The following CCDC148 variants were observed in gnomAD, a reference collection of about 807,000 sequenced individuals.
The protein encoded by CCDC148 is coiled-coil domain-containing protein 148.
Under a neutral mutation model 85.7 loss-of-function variants are expected in CCDC148, and 89 were observed. The observed-to-expected ratio is 1.04, with a 90% CI of 0.87 to 1.24. The LOEUF is 1.24. Among genes scored for constraint, CCDC148 ranks in the 50% most tolerant of loss-of-function variants. CCDC148 has a pLI of 0.00. For synonymous variants in CCDC148, 230 were observed against 213.9 expected, an observed-to-expected ratio of 1.08 and a Z score of -0.66; for missense variants, 692 against 671.7, an observed-to-expected ratio of 1.03 and a Z score of -0.33.
intron 9 of CCDC148, among the ~76,000 whole-genome samples, chr2:158,270,697 C>T (rs559976920): frequency 1.9e-4 from 29 of 152,190 alleles, no homozygotes; most frequent in Non-Finnish European, 3.8e-4. Flanking sequence ...TCTCAAGTTC[C>T]TTGATGGTGA....
At position 158,441,132 on chromosome 2, in the gene CCDC148, T is replaced by C. The variant is rs1272398100; in HGVS notation, c.25+15283A>G. On this transcript the variant is annotated intron_variant, in intron 1 of 13. Transcript: ENST00000283233. ...CCCCTATATAGGCTATATAAACAAA[T>C]AGACCAGCAATTCCAGGGAAAGATA... 2.0e-5 allele frequency among the ~76,000 whole-genome samples: 3 copies of C among 152,092 alleles called. No homozygotes were observed. The South Asian group carries it at 6.2e-4, about 32-fold the overall frequency.
Position 158,340,313 on chromosome 2 carries a change from A to G in CCDC148, c.415T>C (p.Tyr139His), listed in dbSNP as rs1377897497. 6.2e-7 allele frequency: 1 copy of G among 1,613,950 alleles called. No individual in the cohort carries two copies. Among genetic ancestry groups the G allele is most frequent in the Admixed American group, 1.7e-5 (1 of 60,004 alleles). Residue 139 changes from tyrosine to histidine, a missense_variant, in exon 5 of 14, where the codon TAC becomes CAC. Tyr to His is a moderately conservative substitution (Grantham distance 83). Coordinates refer to ENST00000283233, the MANE Select transcript of CCDC148 (RefSeq NM_138803.4). The stretch of plus-strand genomic sequence containing the variant: ...TGCTGCAAAGTGTGATGCTGTCTGT[A>G]TTTTAGATCTGCTCTCAGCTGCTGA... ...PIQQLRADLKYRQHHTLQHSH... is the reference protein window; with the variant it reads ...PIQQLRADLKHRQHHTLQHSH...
rs1339415212 is a variant in CCDC148 at position 158,421,247 on chromosome 2, A to G, written c.25+35168T>C. Among the ~76,000 whole-genome samples the G allele has an allele frequency of 3.3e-5, 5 of 152,178 alleles. No homozygotes were observed. The South Asian group carries it at 8.3e-4, about 25-fold the overall frequency. On this transcript the variant is annotated intron_variant, in intron 1 of 13. Transcript: ENST00000283233. ...TCTGCACCAAGCAGACATAATAGAC[A>G]TCTACAGAACTCTCCACCCCAAATC...
At chr2:158,266,632 T>G (rs1270843203) in intron 9 of CCDC148, among the ~76,000 whole-genome samples, 1 of 152,174 alleles carries the variant, frequency 6.6e-6, no homozygotes, top group East Asian at 1.9e-4. Flanking sequence ...TTCCCACCCT[T>G]TCTCCCTGAG....
At chr2:158,277,742 G>T (rs186935075) in intron 9 of CCDC148, among the ~76,000 whole-genome samples, 1 of 152,062 alleles carries the variant, frequency 6.6e-6, no homozygotes, top group Non-Finnish European at 1.5e-5. Context: ...GACTACAGGC[G>T]CCCGCCATCA....
chr2:158,253,062 G>C (rs1688860726), intron 9 of CCDC148, among the ~76,000 whole-genome samples: 1 of 151,584 alleles, frequency 6.6e-6, no homozygotes, highest in Admixed American at 6.6e-5. Flanking sequence ...CAACATGACT[G>C]TCTCTTTACA....
intron 12 of CCDC148, among the ~76,000 whole-genome samples, chr2:158,177,870 A>T (rs945770066): frequency 6.6e-6 from 1 of 152,112 alleles, no homozygotes. Flanking sequence ...AAAGCACCTA[A>T]CCTCGGTGTC....
chr2:158,217,850 A>G (rs1267738607), intron 11 of CCDC148, among the ~76,000 whole-genome samples: 1 of 152,198 alleles, frequency 6.6e-6, no homozygotes, highest in Non-Finnish European at 1.5e-5. Flanking sequence ...TCTGATACGG[A>G]AAAAAAGTGT....
At chr2:158,364,188 A>G (rs1684097385) in intron 1 of CCDC148, among the ~76,000 whole-genome samples, 1 of 152,264 alleles carries the variant, frequency 6.6e-6, no homozygotes, top group African/African-American at 2.4e-5. Context: ...AAAATATTCC[A>G]TGCTCATGGA....
At chr2:158,213,628 G>A (rs1686692775) in intron 11 of CCDC148, among the ~76,000 whole-genome samples, 1 of 152,086 alleles carries the variant, frequency 6.6e-6, no homozygotes. Context: ...TGCATGCTCT[G>A]CAACAGTCAC....
chr2:158,449,317 A>G (rs1201435795), intron 1 of CCDC148, among the ~76,000 whole-genome samples: 3 of 152,126 alleles, frequency 2.0e-5, no homozygotes, highest in African/African-American at 7.2e-5. Context: ...TCCAATCAAT[A>G]TGACTTTTTC....
chr2:158,336,989 G>C (rs750898088), intron 7 of CCDC148, among the ~76,000 whole-genome samples: 1 of 152,068 alleles, frequency 6.6e-6, no homozygotes, highest in Non-Finnish European at 1.5e-5. Flanking sequence ...AGAATTGTTA[G>C]CATGTGATAT....
intron 1 of CCDC148, among the ~76,000 whole-genome samples, chr2:158,420,865 G>C (rs571972963): frequency 6.6e-6 from 1 of 151,788 alleles, no homozygotes; most frequent in African/African-American, 2.4e-5. Flanking sequence ...GACAAACATA[G>C]GCTCAAAATA....
intron 1 of CCDC148, among the ~76,000 whole-genome samples, chr2:158,374,287 C>T (rs28609327): frequency 0.18 from 26,938 of 151,892 alleles, 3,918 homozygotes; most frequent in African/African-American, 0.4. Flanking sequence ...ACACAACCCC[C>T]GCATGGAGAA....
chr2:158,373,388 A>T (rs1451685050), intron 1 of CCDC148, among the ~76,000 whole-genome samples: 1 of 152,000 alleles, frequency 6.6e-6, no homozygotes, highest in Non-Finnish European at 1.5e-5. Context: ...AGGTTGTGGT[A>T]ATGTTTTTTC....
At chr2:158,262,195 G>T (rs1026747763) in intron 9 of CCDC148, among the ~76,000 whole-genome samples, 1 of 151,990 alleles carries the variant, frequency 6.6e-6, no homozygotes, top group Non-Finnish European at 1.5e-5. Context: ...AAAAGAACAA[G>T]ATCATATATT....
At chr2:158,434,339 G>A (rs995599011) in intron 1 of CCDC148, among the ~76,000 whole-genome samples, 1 of 152,152 alleles carries the variant, frequency 6.6e-6, no homozygotes, top group African/African-American at 2.4e-5. Context: ...AGCCTCCACT[G>A]GTGATACCCA....
intron 9 of CCDC148, 113 bp from the exon 10 acceptor site, chr2:158,251,025 ATGTTTAAATTCTATGTGCACATGAC>A: frequency 1.0e-6 from 1 of 955,348 alleles, no homozygotes; most frequent in Non-Finnish European, 1.5e-6. Context: ...TTCCAAATAA[ATGTTTAAATTCTATGTGCACATGAC>A]TGTGTGATGT....
chr2:158,243,976 G>T (rs1194775894), intron 10 of CCDC148, among the ~76,000 whole-genome samples: 7 of 151,574 alleles, frequency 4.6e-5, no homozygotes, highest in Admixed American at 1.3e-4. Context: ...GGACATGACT[G>T]CCCTAGGCTT....
Sources: allele counts gnomAD v4.1 joint callset (sites outside exome capture counted in the v4.1 genomes callset), GRCh38; gene constraint gnomAD v4.1.1; transcripts MANE v1.5; gene names NCBI Gene and HGNC (gene_info 2026-07-23, HGNC 2026-07-21).